Variants in HRG observed in about 807,000 individuals in gnomAD.
HRG encodes the protein histidine rich glycoprotein.
Under a neutral mutation model 29.5 loss-of-function variants are expected in HRG, and 26 were observed. The observed-to-expected ratio is 0.88, with a 90% CI of 0.65 to 1.22. HRG has a LOEUF of 1.22. Among genes scored for constraint, HRG ranks in the 50% most tolerant of loss-of-function variants. The probability of loss-of-function intolerance (pLI) is 0.00; values close to 1 mark genes in which losing one functional copy is unlikely to be tolerated. For synonymous variants in HRG, 243 were observed against 240.4 expected (o/e 1.01, Z -0.10); for missense variants, 671 against 654.5 (o/e 1.03, Z -0.28).
rs959879381 is a variant in HRG, at chr3:186,668,999, G to A, written c.248G>A (p.Arg83Lys). ...GAATCGGACTGTTCGGTCCTATCCA[G>A]GAAATACTGGAATGACTGTGAGCCA... ...VQESDCSVLS[R>K]KYWNDCEPPD... is the part of the protein sequence containing the mutation. Residue 83 changes from arginine (R) to lysine (K), a missense_variant, in exon 2 of 7, where the codon AGG becomes AAG. By Grantham distance (26) the Arg-to-Lys change is conservative. Transcript: ENST00000232003. 3 of 1,612,494 alleles carry A rather than the reference G, an allele frequency of 1.9e-6. No homozygotes were observed. Among genetic ancestry groups the A allele is most frequent in the Non-Finnish European group, 2.5e-6 (3 of 1,178,516 alleles).
intron 4 of HRG, among the ~76,000 whole-genome samples, chr3:186,672,059 C>A (rs1195520639): frequency 6.6e-6 from 1 of 151,484 alleles, no homozygotes; most frequent in East Asian, 1.9e-4. Flanking sequence ...CAGGGAAAGA[C>A]AAGAACATAT....
At chr3:186,672,958 GAGA>G (rs1311913464) in intron 5 of HRG, 91 bp downstream of exon 5, 11 of 827,276 alleles carry the variant, frequency 1.3e-5, no homozygotes, top group African/African-American at 1.7e-5. Context: ...GGAGAGGAAG[GAGA>G]AGAAGGAGAA....
At chr3:186,675,284 GGTGT>G (rs59016663) in intron 6 of HRG, 94 bp downstream of exon 6, 21,813 of 521,322 alleles carry the variant, frequency 0.042, 103 homozygotes, top group Non-Finnish European at 0.045. Flanking sequence ...TCTATGAGTG[GGTGT>G]GTGTGTGTGT....
chr3:186,675,099 T>C lies in HRG; in HGVS notation c.650T>C (p.Phe217Ser), dbSNP rs757562628. The C allele has an allele frequency of 6.2e-7, 1 of 1,612,646 alleles. No homozygotes were observed. Among genetic ancestry groups the C allele is most frequent in the Non-Finnish European group, 8.5e-7 (1 of 1,178,614 alleles). The change falls in exon 6 of 7, where the codon TTC becomes TCC. Residue 217 changes from phenylalanine (F) to serine (S), a missense_variant. Physicochemically the swap from Phe to Ser is radical, Grantham distance 155 (BLOSUM62 -2). Transcript: ENST00000232003. ...CTCATTCCTTTGTAGGTCTTTGGAT[T>C]CTGCAGAGCAGATTTGTTCTATGAT... The part of the protein sequence containing the change: ...HFPRHPNVFG[F>S]CRADLFYDVE...
Position 186,672,869 on chromosome 3 carries a change from T to G in HRG, c.639+2T>G. Reference sequence around the variant, plus strand: ...CACCATTTCCCCAGACACCCCAATGTGAGTATAAGAAATGTCTGTGATCGT... The same window carrying G: ...CACCATTTCCCCAGACACCCCAATGGGAGTATAAGAAATGTCTGTGATCGT... On this transcript the variant is annotated splice_donor_variant, in intron 5 of 6. Transcript: ENST00000232003. LOFTEE classifies it high-confidence loss of function. 6.3e-7 allele frequency: 1 copy of G among 1,588,596 alleles called. No homozygotes were observed. Among genetic ancestry groups the G allele is most frequent in the East Asian group, 2.2e-5 (1 of 44,744 alleles).
rs1718701004 is a variant in HRG at position 186,669,018 on chromosome 3, T to G, written c.267T>G (p.Cys89Trp). Residue 89 changes from cysteine to tryptophan, a missense_variant, in exon 2 of 7, where the codon TGT (cysteine) becomes TGG (tryptophan). Cys to Trp is a radical substitution (Grantham distance 215). Transcript: ENST00000232003. ...SVLSRKYWNDCEPPDSRRPSE... is the reference protein window; with the variant it reads ...SVLSRKYWNDWEPPDSRRPSE... ...TATCCAGGAAATACTGGAATGACTG[T>G]GAGCCACCTGATTCCAGACGTCCAT... 6.2e-7 allele frequency: 1 copy of G among 1,608,164 alleles called. No individual in the cohort carries two copies. The highest frequency in any genetic ancestry group is 8.5e-7 in the Non-Finnish European group (1 of 1,174,604).
In HRG at chr3:186,678,121, C is replaced by A; in HGVS notation, c.*238C>A. On this transcript the variant is annotated 3_prime_UTR_variant, in exon 7 of 7. Coordinates refer to ENST00000232003, the MANE Select transcript of HRG (RefSeq NM_000412.5). Reference sequence around the variant, plus strand: ...TCACTCACCACTACATCACTTGAGACAAATCTATGCCACTCAGAATCTCCT... The same window carrying A: ...TCACTCACCACTACATCACTTGAGAAAAATCTATGCCACTCAGAATCTCCT... 2.0e-6 allele frequency: 1 copy of A among 501,292 alleles called. No individual in the cohort carries two copies. Among genetic ancestry groups the A allele is most frequent in the Non-Finnish European group, 3.6e-6 (1 of 278,590 alleles). The allele number at this position is 501,292 out of a possible 1,614,324, so 31.1% of individuals were successfully genotyped here.
At position 186,678,056 on chromosome 3, in the gene HRG, G is replaced by T; in HGVS notation, c.*173G>T. On this transcript the variant is annotated 3_prime_UTR_variant, in exon 7 of 7. Transcript: ENST00000232003. ...GAGAAGAGAGATCAAATGGAAAGGA[G>T]AGGAAAGAACTCAGTGCTGCCTATT... The T allele has an allele frequency of 1.5e-6, 1 of 671,016 alleles. No individual in the cohort carries two copies. 41.6% of individuals were successfully genotyped at this position (671,016 alleles called of 1,614,324 possible).
In HRG at chr3:186,668,923, G is replaced by C. The variant is rs778953735; in HGVS notation, c.184-12G>C. On this transcript the variant is annotated splice_polypyrimidine_tract_variant and intron_variant, in intron 1 of 6. Coordinates refer to ENST00000232003, the MANE Select transcript of HRG (RefSeq NM_000412.5). ...CATGTGCTACTCACATGTTGCTTTTGGCATTCCTCAGGAAAATACAACTGT... is the reference window on the plus strand; with the variant it reads ...CATGTGCTACTCACATGTTGCTTTTCGCATTCCTCAGGAAAATACAACTGT... 1 of 1,446,962 alleles carries C rather than the reference G, an allele frequency of 6.9e-7. No individual in the cohort carries two copies. The highest frequency in any genetic ancestry group is 2.3e-5 in the East Asian group (1 of 44,066). The allele number at this position is 1,446,962 out of a possible 1,614,324, so 89.6% of individuals were successfully genotyped here.
At chr3:186,675,988 G>T (rs1055178011) in intron 6 of HRG, among the ~76,000 whole-genome samples, 16 of 149,832 alleles carry the variant, frequency 1.1e-4, no homozygotes, top group African/African-American at 3.9e-4. Context: ...TCCTGCCTCA[G>T]CCTCCTGAGT....
rs142020162 is a variant in HRG, at chr3:186,666,112, T to C, written c.81T>C (p.Val27=). Residue 27 remains valine (V), a synonymous_variant, in exon 1 of 7, where the codon GTT becomes GTC. Transcript: ENST00000232003. Reference sequence around the variant, plus strand: ...TGAGTCCCACTGACTGCAGTGCTGTTGAGCCGGAGGCTGAGAAAGCTCTAG... The same window carrying C: ...TGAGTCCCACTGACTGCAGTGCTGTCGAGCCGGAGGCTGAGAAAGCTCTAG... ...CAVSPTDCSA[V]EPEAEKALDL... 103 of 1,614,242 alleles carry C rather than the reference T, an allele frequency of 6.4e-5. No homozygotes were observed. The highest frequency in any genetic ancestry group is 6.0e-4 in the South Asian group (55 of 91,082).
intron 6 of HRG, 80 bp from the exon 7 acceptor site, chr3:186,676,967 A>T: frequency 6.7e-7 from 1 of 1,496,212 alleles, no homozygotes; most frequent in South Asian, 1.1e-5. Flanking sequence ...TCTGGGAGCC[A>T]TTGGTGTAAA....
chr3:186,670,512 A>T (rs1718752620), intron 3 of HRG, among the ~76,000 whole-genome samples: 1 of 152,182 alleles, frequency 6.6e-6, no homozygotes, highest in African/African-American at 2.4e-5. Context: ...ACACAATCCC[A>T]GGAGTATTAA....
chr3:186,675,096 G>T lies in HRG; in HGVS notation c.647G>T (p.Gly216Val). ...CTCCTCATTCCTTTGTAGGTCTTTGGATTCTGCAGAGCAGATTTGTTCTAT... is the reference window on the plus strand; with the variant it reads ...CTCCTCATTCCTTTGTAGGTCTTTGTATTCTGCAGAGCAGATTTGTTCTAT... ...HHFPRHPNVF[G>V]FCRADLFYDV... Residue 216 changes from glycine (G) to valine (V), a missense_variant, in exon 6 of 7, where the codon GGA becomes GTA. Transcript: ENST00000232003. 1 of 1,612,016 alleles carries T rather than the reference G, an allele frequency of 6.2e-7. No individual in the cohort carries two copies. Among genetic ancestry groups the T allele is most frequent in the African/African-American group, 1.3e-5 (1 of 75,002 alleles).
At chr3:186,676,922 G>A (rs376409380) in intron 6 of HRG, 125 bp from the exon 7 acceptor site, 136 of 1,094,006 alleles carry the variant, frequency 1.2e-4, no homozygotes, top group Middle Eastern at 5.0e-4. Flanking sequence ...ATCTTTTTTC[G>A]TAATACTTTT....
At chr3:186,676,918 T>C (rs1035062641) in intron 6 of HRG, 129 bp from the exon 7 acceptor site, 2 of 1,054,428 alleles carry the variant, frequency 1.9e-6, no homozygotes, top group African/African-American at 3.1e-5. Context: ...GAGAATCTTT[T>C]TTCGTAATAC....
chr3:186,673,254 C>A, intron 5 of HRG: 1 of 310,500 alleles, frequency 3.2e-6, no homozygotes, highest in Non-Finnish European at 6.3e-6. Context: ...CAGGCATGCA[C>A]CACCACGCCC....
intron 1 of HRG, chr3:186,668,709 T>C (rs576930921): frequency 3.3e-5 from 17 of 514,982 alleles, no homozygotes; most frequent in African/African-American, 3.1e-4. Context: ...CTTCTTCAAG[T>C]TTATGGGCAG....
rs1719017395 is a variant in HRG, at chr3:186,677,105, G to A, written c.800G>A (p.Gly267Glu). The A allele has an allele frequency of 1.2e-6, 2 of 1,613,754 alleles. No homozygotes were observed. The highest frequency in any genetic ancestry group is 1.3e-5 in the African/African-American group (1 of 74,796). ...TTGGGACATCCCTTCCACTGGGGTG[G>A]GCATGAGCGTTCTTCTACCACCAAG... ...PHLGHPFHWG[G>E]HERSSTTKPP... The change falls in exon 7 of 7, where the codon GGG becomes GAG. Residue 267 changes from glycine to glutamate, a missense_variant. Gly to Glu is a moderately conservative substitution (Grantham distance 98). Transcript: ENST00000232003.
Sources: allele counts gnomAD v4.1 joint callset (sites outside exome capture counted in the v4.1 genomes callset), GRCh38; gene constraint gnomAD v4.1.1; transcripts MANE v1.5; gene names NCBI Gene and HGNC (gene_info 2026-07-23, HGNC 2026-07-21).